TTC17: variants seen among roughly 807,000 people sequenced by gnomAD.
TTC17 encodes the protein tetratricopeptide repeat protein 17.
TTC17 carries 58 observed loss-of-function variants against 143.8 expected under a neutral mutation model. The ratio of observed to expected loss-of-function variants is 0.40; its 90% CI spans 0.33 to 0.50. The LOEUF (loss-of-function observed/expected upper bound fraction) is 0.50. Among genes scored for constraint, TTC17 ranks in the 20% least tolerant of loss-of-function variants. The probability of loss-of-function intolerance (pLI) is 0.49; values close to 1 mark genes in which losing one functional copy is unlikely to be tolerated. For missense variants in TTC17, 1,273 were observed against 1,392.5 expected (o/e 0.91, Z 1.37); for synonymous variants, 501 against 497.8 (o/e 1.01, Z -0.09).
intron 18 of TTC17, among the ~76,000 whole-genome samples, chr11:43,444,875 T>C (rs1947506738): frequency 6.6e-6 from 1 of 152,142 alleles, no homozygotes; most frequent in African/African-American, 2.4e-5. Flanking sequence ...GTAACACACA[T>C]TTTATTTAAC....
intron 21 of TTC17, among the ~76,000 whole-genome samples, chr11:43,484,828 T>C (rs192220672): frequency 1.9e-4 from 29 of 152,254 alleles, no homozygotes; most frequent in Admixed American, 1.3e-3. Context: ...CTGTTAGGAA[T>C]TGGGCTACAC....
intron 21 of TTC17, among the ~76,000 whole-genome samples, chr11:43,488,306 T>C (rs542549514): frequency 5.6e-4 from 86 of 152,300 alleles, no homozygotes; most frequent in African/African-American, 2.0e-3. Flanking sequence ...AAAAATGTTA[T>C]TGAAAACACA....
chr11:43,401,521 A>G lies in TTC17; in HGVS notation c.1295A>G (p.His432Arg). 2 of 1,613,442 alleles carry G rather than the reference A, an allele frequency of 1.2e-6. No homozygotes were observed. Among genetic ancestry groups the G allele is most frequent in the Non-Finnish European group, 1.7e-6 (2 of 1,179,738 alleles). ...HCQWDQPVRY[H>R]RGDIFENVDY... ...CAGTGGGACCAGCCTGTACGCTATC[A>G]TCGTGGAGATATCTTTGAAAATGTG... Residue 432 changes from histidine (H) to arginine (R), a missense_variant, in exon 10 of 24, where the codon CAT (histidine) becomes CGT (arginine). Coordinates refer to ENST00000039989, the MANE Select transcript of TTC17 (RefSeq NM_018259.6).
intron 1 of TTC17, among the ~76,000 whole-genome samples, chr11:43,377,110 G>A (rs560557025): frequency 4.3e-4 from 66 of 152,244 alleles, no homozygotes; most frequent in African/African-American, 1.6e-3. Context: ...TGGCCAACAT[G>A]GTGAAACTCC....
intron 17 of TTC17, 33 bp from the exon 18 acceptor site, chr11:43,444,023 C>A: frequency 6.4e-7 from 1 of 1,565,872 alleles, no homozygotes; most frequent in South Asian, 1.2e-5. Flanking sequence ...GATCACTGGT[C>A]TCATTTGTCC....
intron 21 of TTC17, among the ~76,000 whole-genome samples, chr11:43,459,858 G>A (rs1012339378): frequency 6.6e-6 from 1 of 152,200 alleles, no homozygotes; most frequent in Non-Finnish European, 1.5e-5. Context: ...TAGGCTTTGT[G>A]TTAGATTACT....
intron 9 of TTC17, among the ~76,000 whole-genome samples, chr11:43,400,950 C>G (rs1857826621): frequency 1.3e-5 from 2 of 152,196 alleles, no homozygotes; most frequent in South Asian, 4.1e-4. Flanking sequence ...ACCTTTGGCA[C>G]TTAGCTGTGA....
At position 43,365,445 on chromosome 11, in the gene TTC17, T is replaced by G. The variant is rs572957774; in HGVS notation, c.159+6332T>G. On this transcript the variant is annotated intron_variant, in intron 1 of 23. Transcript: ENST00000039989. ...CACCACACCCAGCTAATTTTTGTATTTTTTGTAGAGACGGGGTTTTGCCAT... is the reference window on the plus strand; with the variant it reads ...CACCACACCCAGCTAATTTTTGTATGTTTTGTAGAGACGGGGTTTTGCCAT... Among the ~76,000 whole-genome samples the G allele has an allele frequency of 3.3e-5, 5 of 152,240 alleles. No homozygotes were observed. The East Asian group carries it at 9.7e-4, about 29-fold the overall frequency.
chr11:43,437,496 T>C (rs1267261936), intron 16 of TTC17, among the ~76,000 whole-genome samples: 1 of 152,222 alleles, frequency 6.6e-6, no homozygotes, highest in Admixed American at 6.5e-5. Flanking sequence ...AACTAACTTT[T>C]TGTGCGTCCA....
At chr11:43,418,505 A>G (rs1050169407) in intron 16 of TTC17, among the ~76,000 whole-genome samples, 6 of 152,160 alleles carry the variant, frequency 3.9e-5, no homozygotes, top group Admixed American at 3.9e-4. Context: ...GTTTTATTTA[A>G]CTTAAGCAGA....
intron 15 of TTC17, among the ~76,000 whole-genome samples, chr11:43,409,847 CTTTT>C (rs1435453658): frequency 2.1e-5 from 3 of 143,948 alleles, no homozygotes; most frequent in South Asian, 2.2e-4. Flanking sequence ...TTTTTCTTTT[CTTTT>C]TTTTTTTTGA....
At chr11:43,471,317 T>C (rs1028262048) in intron 21 of TTC17, among the ~76,000 whole-genome samples, 3 of 152,216 alleles carry the variant, frequency 2.0e-5, no homozygotes, top group Admixed American at 6.5e-5. Flanking sequence ...AGACATTACA[T>C]TGGATGAGCA....
chr11:43,473,173 TA>T (rs879435792), intron 21 of TTC17, among the ~76,000 whole-genome samples: 478 of 137,692 alleles, frequency 3.5e-3, no homozygotes, highest in Admixed American at 3.7e-3. Context: ...AGACTCCATC[TA>T]AAAAAAAAAA....
intron 2 of TTC17, among the ~76,000 whole-genome samples, chr11:43,381,285 G>A (rs1856958285): frequency 6.6e-6 from 1 of 152,132 alleles, no homozygotes; most frequent in East Asian, 1.9e-4. Flanking sequence ...ATGTAGGCAG[G>A]CTTGAAAGTA....
chr11:43,431,930 G>T (rs186705571), intron 16 of TTC17, among the ~76,000 whole-genome samples: 1 of 152,190 alleles, frequency 6.6e-6, no homozygotes, highest in Non-Finnish European at 1.5e-5. Context: ...CTGCTCTAAT[G>T]CTCTTACAAA....
intron 1 of TTC17, among the ~76,000 whole-genome samples, chr11:43,363,301 AT>A (rs1384259462): frequency 1.3e-5 from 2 of 152,090 alleles, no homozygotes; most frequent in Non-Finnish European, 2.9e-5. Flanking sequence ...GTGTCTGGTA[AT>A]TTACTTGCAT....
intron 21 of TTC17, among the ~76,000 whole-genome samples, chr11:43,483,583 C>T (rs1450328070): frequency 6.6e-6 from 1 of 151,926 alleles, no homozygotes; most frequent in East Asian, 1.9e-4. Context: ...TAGGAAAACG[C>T]AAAATTTGAG....
chr11:43,467,585 T>C (rs1366140425), intron 21 of TTC17, among the ~76,000 whole-genome samples: 2 of 152,194 alleles, frequency 1.3e-5, no homozygotes, highest in African/African-American at 2.4e-5. Flanking sequence ...TTCTGAAGGT[T>C]GGTTACATGA....
chr11:43,451,138 G>T (rs1590443742), intron 20 of TTC17, 44 bp from the exon 21 acceptor site: 1 of 1,587,224 alleles, frequency 6.3e-7, no homozygotes, highest in South Asian at 1.1e-5. Flanking sequence ...TCTAGATCCT[G>T]CATCGTTTTC....
Sources: gnomAD v4.1 joint callset for allele counts (sites outside exome capture counted in the v4.1 genomes callset) on GRCh38, gnomAD v4.1.1 for gene constraint, MANE v1.5 for transcripts, NCBI Gene and HGNC (gene_info 2026-07-23, HGNC 2026-07-21) for gene names.